The following CIAO2B variants were observed in gnomAD, a reference collection of about 807,000 sequenced individuals.
CIAO2B encodes cytosolic iron-sulfur assembly component 2B, also known as MSS19-interacting protein of 18 kDa.
CIAO2B carries 20 observed loss-of-function variants against 16.4 expected under a neutral mutation model. The observed-to-expected ratio is 1.22, with a 90% CI of 0.86 to 1.77. CIAO2B has a LOEUF of 1.77. CIAO2B is among the 40% of genes most tolerant of loss of function. The pLI is 0.00. For synonymous variants in CIAO2B, 106 were observed against 90.4 expected (o/e 1.17, Z -0.98); for missense variants, 215 against 222.4 (o/e 0.97, Z 0.21).
rs761123516 is a variant in CIAO2B, at chr16:66,934,058, G to A, written c.151C>T (p.Arg51Cys). 8 of 1,613,538 alleles carry A rather than the reference G, an allele frequency of 5.0e-6. No individual in the cohort carries two copies. Among genetic ancestry groups the A allele is most frequent in the Middle Eastern group, 1.6e-4 (1 of 6,084 alleles). Reference sequence around the variant, plus strand: ...GGATGCTCCGGGTCATTGATGGAGCGAATCAGATGTGGGAAGTGAAGGAAA... The same window carrying A: ...GGATGCTCCGGGTCATTGATGGAGCAAATCAGATGTGGGAAGTGAAGGAAA... ...IDAREIFDLI[R>C]SINDPEHPLT... Residue 51 changes from arginine to cysteine, a missense_variant, in exon 2 of 5, where the codon CGC becomes TGC. By Grantham distance (180) the Arg-to-Cys change is radical (BLOSUM62 -3). Coordinates refer to ENST00000422424, the MANE Select transcript of CIAO2B (RefSeq NM_016062.4). This position sits in a 1 kb window ranked among gnomAD's most constrained non-coding sequence, Gnocchi z 4.1.
Position 66,934,276 on chromosome 16 carries a change from G to A in CIAO2B, c.89C>T (p.Ala30Val). 3 of 1,608,848 alleles carry A rather than the reference G, an allele frequency of 1.9e-6. No homozygotes were observed. Among genetic ancestry groups the A allele is most frequent in the Non-Finnish European group, 2.5e-6 (3 of 1,179,570 alleles). Reference sequence around the variant, plus strand: ...GGGAACCTGCTCGTCCTCCTCGCCTGCCGTCACAGGCCGCTCCCCAGAGCG... The same window carrying A: ...GGGAACCTGCTCGTCCTCCTCGCCTACCGTCACAGGCCGCTCCCCAGAGCG... ...YQRSGERPVT[A>V]GEEDEQVPDS... Residue 30 changes from alanine to valine, a missense_variant, in exon 1 of 5, where the codon GCA becomes GTA. Ala to Val is a moderately conservative substitution (Grantham distance 64). Transcript: ENST00000422424. This position sits in a 1 kb window ranked among gnomAD's most constrained non-coding sequence, Gnocchi z 4.1.
chr16:66,933,875 C>G (rs890481479), intron 2 of CIAO2B, 112 bp downstream of exon 2: 40 of 1,545,082 alleles, frequency 2.6e-5, no homozygotes, highest in Non-Finnish European at 3.3e-5. Context: ...ACAACAATCT[C>G]CCTCCCCAAA....
At position 66,934,377 on chromosome 16, in the gene CIAO2B, ACCGCTGAT is replaced by A; in HGVS notation, c.-21_-14del. ...CGCCGCCTACCATCGCGGAACCACC[ACCGCTGAT>A]CCTAGCAGGCGTGCGCTTCCGCTCC... On this transcript the variant is annotated 5_prime_UTR_variant, in exon 1 of 5. Transcript: ENST00000422424. This position sits in a 1 kb window ranked among gnomAD's most constrained non-coding sequence, Gnocchi z 4.1. The A allele has an allele frequency of 6.5e-7, 1 of 1,530,436 alleles. No homozygotes were observed. Among genetic ancestry groups the A allele is most frequent in the Non-Finnish European group, 8.7e-7 (1 of 1,144,870 alleles). 94.8% of individuals were successfully genotyped at this position (1,530,436 alleles called of 1,614,324 possible). A position where few individuals can be genotyped will look rare whatever the true frequency, so the allele number is the denominator to read the frequency against.
chr16:66,933,674 G>A lies in CIAO2B; in HGVS notation c.288C>T (p.Ala96=). Residue 96 remains alanine (A), a synonymous_variant, in exon 3 of 5, where the codon GCC becomes GCT. Transcript: ENST00000422424. ...FTPTIPHCSM[A]TLIGLSIKVK... ...CCTTGATGGACAGACCAATAAGGGTGGCCATGCTGCAGTGCGGAATGGTTG... is the reference window on the plus strand; with the variant it reads ...CCTTGATGGACAGACCAATAAGGGTAGCCATGCTGCAGTGCGGAATGGTTG... 2 of 1,603,576 alleles carry A rather than the reference G, an allele frequency of 1.2e-6. No individual in the cohort carries two copies. Among genetic ancestry groups the A allele is most frequent in the Non-Finnish European group, 1.7e-6 (2 of 1,175,008 alleles).
At chr16:66,932,321 G>C in intron 4 of CIAO2B, 21 bp from the exon 5 acceptor site, 1 of 1,602,086 alleles carries the variant, frequency 6.2e-7, no homozygotes, top group African/African-American at 1.3e-5. Context: ...AGAAGGGTGT[G>C]GGGAAGGCAG....
chr16:66,932,133 A>G lies in CIAO2B; in HGVS notation c.*70T>C, dbSNP rs1963065734. The G allele has an allele frequency of 1.7e-6, 2 of 1,207,888 alleles. No homozygotes were observed. The highest frequency in any genetic ancestry group is 3.1e-5 in the African/African-American group (2 of 65,270). The allele number at this position is 1,207,888 out of a possible 1,614,324, so 74.8% of individuals were successfully genotyped here. A position where few individuals can be genotyped will look rare whatever the true frequency, so the allele number is the denominator to read the frequency against. On this transcript the variant is annotated 3_prime_UTR_variant, in exon 5 of 5. Coordinates refer to ENST00000422424, the MANE Select transcript of CIAO2B (RefSeq NM_016062.4). ...CTCATTGTGAGTGATTCAAGAAAAC[A>G]ACGGTAACAGCCCTGGCAGGAGCTG...
intron 3 of CIAO2B, 35 bp from the exon 4 acceptor site, chr16:66,932,860 C>A (rs1596998751): frequency 5.0e-6 from 8 of 1,607,226 alleles, no homozygotes; most frequent in Non-Finnish European, 6.8e-6. Context: ...GAACACCCAC[C>A]CACCGACCCA....
rs752378935 is a variant in CIAO2B at position 66,932,178 on chromosome 16, C to A, written c.*25G>T. Reference sequence around the variant, plus strand: ...GAGCTGGGACCAGGATACCAGTATGCAGGCTGAGGGGTCAAAGGCCAGGCT... The same window carrying A: ...GAGCTGGGACCAGGATACCAGTATGAAGGCTGAGGGGTCAAAGGCCAGGCT... On this transcript the variant is annotated 3_prime_UTR_variant, in exon 5 of 5. Coordinates refer to ENST00000422424, the MANE Select transcript of CIAO2B (RefSeq NM_016062.4). 1.3e-6 allele frequency: 2 copies of A among 1,581,106 alleles called. No homozygotes were observed. Among genetic ancestry groups the A allele is most frequent in the Non-Finnish European group, 1.7e-6 (2 of 1,153,938 alleles).
chr16:66,934,187 C>A lies in CIAO2B; in HGVS notation c.142+36G>T. 1.9e-6 allele frequency: 3 copies of A among 1,608,644 alleles called. No homozygotes were observed. Among genetic ancestry groups the A allele is most frequent in the Non-Finnish European group, 2.5e-6 (3 of 1,177,552 alleles). On this transcript the variant is annotated intron_variant, in intron 1 of 4. Transcript: ENST00000422424. This position sits in a 1 kb window ranked among gnomAD's most constrained non-coding sequence, Gnocchi z 4.1. ...TATCACTGCTCCCCCCACCGCAAGC[C>A]CCCGGAACCCGCCCGCGCCCAGCAG...
At position 66,932,770 on chromosome 16, in the gene CIAO2B, CCA is replaced by C. The variant is rs749298602; in HGVS notation, c.394+8_394+9del. ...CCGGGCCAACACCCTCACCACCAGT[CCA>C]CACTTACCTGCATGCTCTGAGGCAT... On this transcript the variant is annotated splice_region_variant and intron_variant, in intron 4 of 4. Coordinates refer to ENST00000422424, the MANE Select transcript of CIAO2B (RefSeq NM_016062.4). The C allele has an allele frequency of 6.2e-7, 1 of 1,608,976 alleles. No homozygotes were observed. Among genetic ancestry groups the C allele is most frequent in the African/African-American group, 1.3e-5 (1 of 74,778 alleles).
chr16:66,934,161 A>G lies in CIAO2B; in HGVS notation c.142+62T>C. The G allele has an allele frequency of 1.2e-6, 2 of 1,610,788 alleles. No homozygotes were observed. Among genetic ancestry groups the G allele is most frequent in the Non-Finnish European group, 8.5e-7 (1 of 1,178,860 alleles). Reference sequence around the variant, plus strand: ...GGGATGCGGCTCCACCAGCTGCTCGATATCACTGCTCCCCCCACCGCAAGC... The same window carrying G: ...GGGATGCGGCTCCACCAGCTGCTCGGTATCACTGCTCCCCCCACCGCAAGC... On this transcript the variant is annotated intron_variant, in intron 1 of 4. Coordinates refer to ENST00000422424, the MANE Select transcript of CIAO2B (RefSeq NM_016062.4). This position sits in a 1 kb window ranked among gnomAD's most constrained non-coding sequence, Gnocchi z 4.1.
rs1413235908 is a variant in CIAO2B, at chr16:66,934,278, C to T, written c.87G>A (p.Thr29=). 6.2e-7 allele frequency: 1 copy of T among 1,609,002 alleles called. No individual in the cohort carries two copies. Among genetic ancestry groups the T allele is most frequent in the Admixed American group, 1.7e-5 (1 of 59,940 alleles). The part of the protein sequence containing the change: ...IYQRSGERPV[T]AGEEDEQVPD... ...GAACCTGCTCGTCCTCCTCGCCTGC[C>T]GTCACAGGCCGCTCCCCAGAGCGCT... Residue 29 remains threonine, a synonymous_variant, in exon 1 of 5, where the codon ACG becomes ACA. Coordinates refer to ENST00000422424, the MANE Select transcript of CIAO2B (RefSeq NM_016062.4). This position sits in a 1 kb window ranked among gnomAD's most constrained non-coding sequence, Gnocchi z 4.1.
intron 3 of CIAO2B, 182 bp downstream of exon 3, chr16:66,933,432 G>C (rs1450735151): frequency 1.2e-6 from 1 of 840,258 alleles, no homozygotes; most frequent in Non-Finnish European, 1.8e-6. Context: ...CCACTTTCCA[G>C]CTCAGATCTT....
intron 2 of CIAO2B, 38 bp from the exon 3 acceptor site, chr16:66,933,777 T>TC: frequency 6.5e-7 from 1 of 1,550,330 alleles, no homozygotes; most frequent in South Asian, 1.2e-5. Context: ...TCAACCACCC[T>TC]CAGCCCAAGG....
Position 66,934,001 on chromosome 16 carries a change from G to A in CIAO2B, c.208C>T (p.Gln70Ter), listed in dbSNP as rs1303005943. 1.2e-6 allele frequency: 2 copies of A among 1,613,740 alleles called. No homozygotes were observed. Among genetic ancestry groups the A allele is most frequent in the Admixed American group, 1.7e-5 (1 of 60,006 alleles). ...AAGTGACTCACCTGAACCCGCACCT[G>A]CTCTACTACGTTCAACTCCTCTAGC... ...LTLEELNVVE[Q>*]VRVQVSDPES... The change falls in exon 2 of 5, where the codon CAG becomes TAG. Residue 70 changes from glutamine to a stop codon, truncating the protein, a stop_gained. Transcript: ENST00000422424. LOFTEE classifies it high-confidence loss of function. The surrounding 1 kb of genome is among the most constrained non-coding windows in gnomAD (Gnocchi z 4.1).
intron 4 of CIAO2B, 34 bp downstream of exon 4, chr16:66,932,746 C>G: frequency 6.3e-7 from 1 of 1,597,266 alleles, no homozygotes; most frequent in South Asian, 1.1e-5. Context: ...AGGGGGTGCC[C>G]GGGCCAACAC....
Position 66,933,342 on chromosome 16 carries a change from C to A in CIAO2B, c.348+272G>T, listed in dbSNP as rs538817444. ...TGGCCCACTACTGTTGATTTAAAGG[C>A]CTGCCTGTGCCCCACCCCTGGTCCA... On this transcript the variant is annotated intron_variant, in intron 3 of 4. Coordinates refer to ENST00000422424, the MANE Select transcript of CIAO2B (RefSeq NM_016062.4). 6.7e-6 allele frequency: 3 copies of A among 450,618 alleles called. No individual in the cohort carries two copies. In the Admixed American group the frequency reaches 1.1e-4, roughly 16 times the overall value. The allele number at this position is 450,618 out of a possible 1,614,324, so 27.9% of individuals were successfully genotyped here. A position where few individuals can be genotyped will look rare whatever the true frequency, so the allele number is the denominator to read the frequency against.
At position 66,934,353 on chromosome 16, in the gene CIAO2B, G is replaced by T; in HGVS notation, c.12C>A (p.Gly4=). The T allele has an allele frequency of 1.3e-6, 2 of 1,565,106 alleles. No homozygotes were observed. The highest frequency in any genetic ancestry group is 1.7e-6 in the Non-Finnish European group (2 of 1,162,442). The change falls in exon 1 of 5, where the codon GGC becomes GGA. Residue 4 remains glycine, a synonymous_variant. Coordinates refer to ENST00000422424, the MANE Select transcript of CIAO2B (RefSeq NM_016062.4). The surrounding 1 kb of genome is among the most constrained non-coding windows in gnomAD (Gnocchi z 4.1). ...CCAGGAGGCCGCCGCCGACCCCGCC[G>T]CCGCCTACCATCGCGGAACCACCAC... MVG[G]GGVGGGLLEN... is the part of the protein sequence containing the mutation.
rs368226690 is a variant in CIAO2B at position 66,934,074 on chromosome 16, G to A, written c.143-8C>T. 448 of 1,613,470 alleles carry A rather than the reference G, an allele frequency of 2.8e-4. No individual in the cohort carries two copies. The highest frequency in any genetic ancestry group is 3.6e-4 in the Non-Finnish European group (426 of 1,179,826). On this transcript the variant is annotated splice_region_variant and splice_polypyrimidine_tract_variant and intron_variant, in intron 1 of 4. Coordinates refer to ENST00000422424, the MANE Select transcript of CIAO2B (RefSeq NM_016062.4). The surrounding 1 kb of genome is among the most constrained non-coding windows in gnomAD (Gnocchi z 4.1). ...TGATGGAGCGAATCAGATGTGGGAA[G>A]TGAAGGAAAAGGGACTCTGCGCCCT...
Sources: allele counts gnomAD v4.1 joint callset, GRCh38; gene constraint gnomAD v4.1.1; non-coding constraint Gnocchi (gnomAD v3.1); transcripts MANE v1.5; gene names NCBI Gene and HGNC (gene_info 2026-07-23, HGNC 2026-07-21).